Variants in ANXA10 observed in about 807,000 individuals in gnomAD.
ANXA10 encodes annexin 14.
ANXA10 carries 49 observed loss-of-function variants against 53.5 expected under a neutral mutation model. That is an observed-to-expected ratio of 0.92 (90% confidence interval 0.73 to 1.16). The LOEUF is 1.16. ANXA10 is among the 50% of genes most tolerant of loss of function. The pLI is 0.00. For synonymous variants in ANXA10, 131 were observed against 128.9 expected, an observed-to-expected ratio of 1.02 and a Z score of -0.11; for missense variants, 393 against 394.4, an observed-to-expected ratio of 1.00 and a Z score of 0.03.
Position 168,128,084 on chromosome 4 carries a change from G to C in ANXA10, c.19G>C (p.Val7Leu). The change falls in exon 2 of 12, where the codon GTG becomes CTG. Residue 7 changes from valine (V) to leucine (L), a missense_variant and splice_region_variant. Val to Leu is a conservative substitution (Grantham distance 32, BLOSUM62 1). Coordinates refer to ENST00000359299, the MANE Select transcript of ANXA10 (RefSeq NM_007193.5). MFCGDY[V>L]QGTIFPAPNF... is the part of the protein sequence containing the mutation. Reference sequence around the variant, plus strand: ...ACTTTCTCATTGATTTTCCCACCAGGTGCAAGGAACCATCTTCCCAGCTCC... The same window carrying C: ...ACTTTCTCATTGATTTTCCCACCAGCTGCAAGGAACCATCTTCCCAGCTCC... 1 of 1,611,766 alleles carries C rather than the reference G, an allele frequency of 6.2e-7. No homozygotes were observed.
At chr4:168,168,433 T>C (rs114375003) in intron 6 of ANXA10, among the ~76,000 whole-genome samples, 140 of 152,262 alleles carry the variant, frequency 9.2e-4, no homozygotes, top group African/African-American at 2.8e-3. Flanking sequence ...TCTTCTTCTT[T>C]TTTTTAACGG....
At chr4:168,131,867 T>A (rs1247256720) in intron 2 of ANXA10, among the ~76,000 whole-genome samples, 12 of 152,096 alleles carry the variant, frequency 7.9e-5, no homozygotes, top group African/African-American at 2.7e-4. Context: ...TTACTTTTAA[T>A]CTCTCTGTGT....
At chr4:168,115,992 A>G (rs1730886675) in intron 1 of ANXA10, among the ~76,000 whole-genome samples, 1 of 152,168 alleles carries the variant, frequency 6.6e-6, no homozygotes, top group Non-Finnish European at 1.5e-5. Flanking sequence ...CTGAGCTCGC[A>G]TTACGTCTAA....
At chr4:168,185,925 A>G (rs1732360592) in intron 11 of ANXA10, among the ~76,000 whole-genome samples, 1 of 152,212 alleles carries the variant, frequency 6.6e-6, no homozygotes, top group Non-Finnish European at 1.5e-5. Flanking sequence ...AATGGTTTCT[A>G]AGAGGAAGAG....
chr4:168,135,433 T>G (rs184206882), intron 2 of ANXA10, among the ~76,000 whole-genome samples: 86 of 152,260 alleles, frequency 5.6e-4, no homozygotes, highest in Non-Finnish European at 1.1e-3. Flanking sequence ...AGAGAAAGAA[T>G]TTAAAATTGC....
At chr4:168,132,977 C>G (rs1201517845) in intron 2 of ANXA10, among the ~76,000 whole-genome samples, 2 of 152,010 alleles carry the variant, frequency 1.3e-5, no homozygotes, top group African/African-American at 4.8e-5. Context: ...CAGACATGTG[C>G]AGAGAGGTGA....
In ANXA10 at chr4:168,150,782, T is replaced by C. The variant is rs142554579; in HGVS notation, c.195+11202T>C. The stretch of plus-strand genomic sequence containing the variant: ...GGTGACAGAAAACCCTCACTGCACA[T>C]CCTCCATAGACTGGCCAGAACCACT... On this transcript the variant is annotated intron_variant, in intron 3 of 11. Transcript: ENST00000359299. 1.6e-3 allele frequency among the ~76,000 whole-genome samples: 241 copies of C among 152,230 alleles called. 7 individuals carry two copies. The East Asian group carries it at 0.036, about 23-fold the overall frequency.
intron 1 of ANXA10, among the ~76,000 whole-genome samples, chr4:168,124,000 C>A (rs566056934): frequency 6.6e-6 from 1 of 152,280 alleles, no homozygotes; most frequent in Non-Finnish European, 1.5e-5. Context: ...CAGCCACTCC[C>A]ATTCAGGTTT....
chr4:168,158,287 A>G (rs1236082134), intron 3 of ANXA10, among the ~76,000 whole-genome samples: 1 of 152,214 alleles, frequency 6.6e-6, no homozygotes, highest in Non-Finnish European at 1.5e-5. Flanking sequence ...CCATGTTTTC[A>G]TCAGAATGTC....
intron 1 of ANXA10, among the ~76,000 whole-genome samples, chr4:168,102,857 G>T (rs999935054): frequency 1.3e-5 from 2 of 152,070 alleles, no homozygotes; most frequent in African/African-American, 4.8e-5. Flanking sequence ...TTCCCAAAGT[G>T]ACTATACAAT....
At chr4:168,129,699 C>G (rs1423373373) in intron 2 of ANXA10, among the ~76,000 whole-genome samples, 1 of 152,094 alleles carries the variant, frequency 6.6e-6, no homozygotes, top group Non-Finnish European at 1.5e-5. Flanking sequence ...TTAGAAAAAT[C>G]TGAAAGCAAA....
At position 168,155,885 on chromosome 4, in the gene ANXA10, T is replaced by TATATGAC. The variant is rs1560783994; in HGVS notation, c.196-6639_196-6638insGACATAT. Among the ~76,000 whole-genome samples the TATATGAC allele has an allele frequency of 2.7e-3, 41 of 15,056 alleles. 6 individuals are homozygous for TATATGAC. Among genetic ancestry groups the TATATGAC allele is most frequent in the African/African-American group, 0.014 (40 of 2,808 alleles). 9.9% of individuals were successfully genotyped at this position (15,056 alleles called of 152,430 possible). A position where few individuals can be genotyped will look rare whatever the true frequency, so the allele number is the denominator to read the frequency against. On this transcript the variant is annotated intron_variant, in intron 3 of 11. Transcript: ENST00000359299. Reference sequence around the variant, plus strand: ...ATGATATATCATATATTATATGTTATATATAATATATGATATATCATATAT... The same window carrying TATATGAC: ...ATGATATATCATATATTATATGTTATATATGACATATAATATATGATATATCATATAT...
At chr4:168,160,563 C>T (rs561443424) in intron 3 of ANXA10, among the ~76,000 whole-genome samples, 67 of 152,048 alleles carry the variant, frequency 4.4e-4, no homozygotes, top group African/African-American at 1.6e-3. Flanking sequence ...GGTTTTTATT[C>T]CTTTGGGCAT....
At chr4:168,128,807 T>C (rs888984305) in intron 2 of ANXA10, among the ~76,000 whole-genome samples, 1 of 152,004 alleles carries the variant, frequency 6.6e-6, no homozygotes, top group Non-Finnish European at 1.5e-5. Flanking sequence ...CTTATGTTTG[T>C]CTCACCTGCT....
At chr4:168,157,103 TG>T (rs36070041) in intron 3 of ANXA10, among the ~76,000 whole-genome samples, 76,351 of 151,708 alleles carry the variant, frequency 0.5, 19,603 homozygotes, top group Non-Finnish European at 0.53. Flanking sequence ...CATATAAATT[TG>T]AAAGTAGTGA....
chr4:168,141,241 T>C (rs1438521761), intron 3 of ANXA10, among the ~76,000 whole-genome samples: 1 of 152,204 alleles, frequency 6.6e-6, no homozygotes, highest in East Asian at 1.9e-4. Flanking sequence ...CCTGGAAAAC[T>C]GGAAGTCATG....
chr4:168,153,546 T>C (rs1472685163), intron 3 of ANXA10, among the ~76,000 whole-genome samples: 4 of 147,158 alleles, frequency 2.7e-5, no homozygotes, highest in Admixed American at 1.4e-4. Flanking sequence ...ACGGGAAAAC[T>C]GTGAGGTGAA....
intron 3 of ANXA10, among the ~76,000 whole-genome samples, chr4:168,140,573 G>A (rs996620733): frequency 6.6e-6 from 1 of 151,678 alleles, no homozygotes; most frequent in Non-Finnish European, 1.5e-5. Context: ...TTGTATCACT[G>A]GTAATCTAAC....
At chr4:168,094,557 T>C (rs1279398764) in intron 1 of ANXA10, among the ~76,000 whole-genome samples, 5 of 152,122 alleles carry the variant, frequency 3.3e-5, no homozygotes. Context: ...TAATTTCTTA[T>C]TTTATAATGT....
Sources: gnomAD v4.1 joint callset for allele counts (sites outside exome capture counted in the v4.1 genomes callset) on GRCh38, gnomAD v4.1.1 for gene constraint, MANE v1.5 for transcripts, NCBI Gene and HGNC (gene_info 2026-07-23, HGNC 2026-07-21) for gene names.